SNX3: variants seen among roughly 807,000 people sequenced by gnomAD.
The protein encoded by SNX3 is sorting nexin 3.
In SNX3, 5 loss-of-function variants were observed where a neutral mutation model predicts 17.7. The observed-to-expected ratio is 0.28, with a 90% CI of 0.15 to 0.59. The LOEUF (loss-of-function observed/expected upper bound fraction) is 0.59. SNX3 is among the 20% of genes least tolerant of loss of function. The pLI is 0.88. For synonymous variants in SNX3, 91 were observed against 76.5 expected (o/e 1.19, Z -0.99); for missense variants, 132 against 206.8 (o/e 0.64, Z 2.22).
chr6:108,246,984 G>C (rs1775711570), intron 1 of SNX3, among the ~76,000 whole-genome samples: 1 of 152,290 alleles, frequency 6.6e-6, no homozygotes, highest in Admixed American at 6.5e-5. Flanking sequence ...TGGTTTGGCT[G>C]TATGTCCCTA....
intron 1 of SNX3, among the ~76,000 whole-genome samples, chr6:108,231,733 T>C (rs962236298): frequency 5.9e-5 from 9 of 152,344 alleles, no homozygotes; most frequent in Admixed American, 2.6e-4. Flanking sequence ...GCCTAGCTAA[T>C]TCGAACTTAC....
At chr6:108,243,975 C>A (rs1775606810) in intron 1 of SNX3, among the ~76,000 whole-genome samples, 1 of 152,092 alleles carries the variant, frequency 6.6e-6, no homozygotes, top group Non-Finnish European at 1.5e-5. Flanking sequence ...AAATTACATA[C>A]CCTGCAAATA....
chr6:108,238,169 G>C (rs1312812773), intron 1 of SNX3, among the ~76,000 whole-genome samples: 1 of 137,880 alleles, frequency 7.3e-6, no homozygotes, highest in African/African-American at 2.8e-5. Context: ...CCTCCAAAAA[G>C]AATCTACCAT....
rs1185405171 is a variant in SNX3, at chr6:108,260,870, G to A, written c.52C>T (p.Leu18=). 2 of 1,612,076 alleles carry A rather than the reference G, an allele frequency of 1.2e-6. No homozygotes were observed. Among genetic ancestry groups the A allele is most frequent in the African/African-American group, 2.7e-5 (2 of 74,594 alleles). Residue 18 remains leucine (L), a synonymous_variant, in exon 1 of 4, where the codon CTG becomes TTG. Coordinates refer to ENST00000230085, the MANE Select transcript of SNX3 (RefSeq NM_003795.6). ...TRRLITKPQN[L]NDAYGPPSNF... ...CTGGGGGGTCCGTAGGCGTCATTCA[G>A]GTTCTGCGGCTTGGTGATCAGCCGC...
At chr6:108,215,279 G>A (rs1202143317) in intron 2 of SNX3, among the ~76,000 whole-genome samples, 1 of 151,834 alleles carries the variant, frequency 6.6e-6, no homozygotes, top group African/African-American at 2.4e-5. Context: ...GAACCCGGGA[G>A]GCAGAGCTTG....
At chr6:108,228,489 T>C in intron 1 of SNX3, among the ~76,000 whole-genome samples, 1 of 151,388 alleles carries the variant, frequency 6.6e-6, no homozygotes, top group East Asian at 1.9e-4. Context: ...GAGACTGCAG[T>C]GAACCAAGAT....
chr6:108,222,147 G>T lies in SNX3; in HGVS notation c.258+803C>A, dbSNP rs1197678933. The T allele has an allele frequency of 1.1e-5, 13 of 1,177,688 alleles. 1 individual carries two copies. The Admixed American group carries it at 1.6e-4, about 15-fold the overall frequency. The allele number at this position is 1,177,688 out of a possible 1,614,324, so 73.0% of individuals were successfully genotyped here. A position where few individuals can be genotyped will look rare whatever the true frequency, so the allele number is the denominator to read the frequency against. ...CTTAGGCTAGAAACAGAAAAAAAAAGAAAACCCTTATTAAACTTGAGAAAT... is the reference window on the plus strand; with the variant it reads ...CTTAGGCTAGAAACAGAAAAAAAAATAAAACCCTTATTAAACTTGAGAAAT... On this transcript the variant is annotated intron_variant, in intron 2 of 3. Coordinates refer to ENST00000230085, the MANE Select transcript of SNX3 (RefSeq NM_003795.6).
At chr6:108,217,185 A>G in intron 2 of SNX3, among the ~76,000 whole-genome samples, 1 of 151,938 alleles carries the variant, frequency 6.6e-6, no homozygotes, top group East Asian at 1.9e-4. Context: ...TGTCAGTTAA[A>G]GAAAGAAGGA....
intron 2 of SNX3, among the ~76,000 whole-genome samples, chr6:108,215,760 A>C (rs975612158): frequency 2.0e-5 from 3 of 151,986 alleles, no homozygotes; most frequent in African/African-American, 7.2e-5. Context: ...GCCTGGGCAC[A>C]TGTCTACAAA....
At chr6:108,238,104 A>AT (rs1189429679) in intron 1 of SNX3, among the ~76,000 whole-genome samples, 42 of 148,090 alleles carry the variant, frequency 2.8e-4, no homozygotes, top group South Asian at 6.4e-4. Flanking sequence ...CCTGTCTCAA[A>AT]AAAAAAAAAA....
chr6:108,217,085 A>C (rs1470609292), intron 2 of SNX3, among the ~76,000 whole-genome samples: 1 of 152,208 alleles, frequency 6.6e-6, no homozygotes, highest in Non-Finnish European at 1.5e-5. Context: ...ATTTAAAAAA[A>C]GAATTCTGGA....
intron 1 of SNX3, among the ~76,000 whole-genome samples, chr6:108,241,885 A>G (rs1775533090): frequency 2.0e-5 from 3 of 152,242 alleles, no homozygotes; most frequent in African/African-American, 7.2e-5. Context: ...TCAGCTGTCC[A>G]GGATTTCCAA....
At chr6:108,217,922 T>C (rs2114708240) in intron 2 of SNX3, among the ~76,000 whole-genome samples, 1 of 152,332 alleles carries the variant, frequency 6.6e-6, no homozygotes, top group African/African-American at 2.4e-5. Flanking sequence ...AGCTAATTTC[T>C]AGCTTAGTTT....
chr6:108,229,977 C>T (rs1369788401), intron 1 of SNX3, among the ~76,000 whole-genome samples: 1 of 152,108 alleles, frequency 6.6e-6, no homozygotes, highest in Non-Finnish European at 1.5e-5. Context: ...AGATGAGCTG[C>T]ATGTAGCATT....
intron 2 of SNX3, among the ~76,000 whole-genome samples, chr6:108,220,244 T>C (rs1417106228): frequency 1.3e-5 from 2 of 151,866 alleles, no homozygotes; most frequent in African/African-American, 2.4e-5. Flanking sequence ...AGTAATGTCC[T>C]AGGTCTTCTC....
In SNX3 at chr6:108,222,263, T is replaced by C. The variant is rs751182366; in HGVS notation, c.258+687A>G. ...TAGTCACAAAATAACTTTTCATCAT[T>C]CTGAGCACACCACGTCCTTCCATGA... On this transcript the variant is annotated intron_variant, in intron 2 of 3. Coordinates refer to ENST00000230085, the MANE Select transcript of SNX3 (RefSeq NM_003795.6). The C allele has an allele frequency of 2.3e-6, 3 of 1,304,262 alleles. No homozygotes were observed. In the South Asian group the frequency reaches 3.7e-5, roughly 16 times the overall value. The allele number at this position is 1,304,262 out of a possible 1,614,324, so 80.8% of individuals were successfully genotyped here.
chr6:108,245,207 A>T (rs1291266928), intron 1 of SNX3, among the ~76,000 whole-genome samples: 1 of 151,846 alleles, frequency 6.6e-6, no homozygotes, highest in Non-Finnish European at 1.5e-5. Flanking sequence ...GAAAACATGC[A>T]GTGTTTGGTT....
intron 2 of SNX3, 134 bp downstream of exon 2, chr6:108,222,816 T>C: frequency 1.5e-6 from 1 of 674,328 alleles, no homozygotes; most frequent in Non-Finnish European, 2.6e-6. Flanking sequence ...CTCTATAAAA[T>C]GACACTGAAC....
At chr6:108,243,059 T>A (rs1406166045) in intron 1 of SNX3, among the ~76,000 whole-genome samples, 2 of 152,200 alleles carry the variant, frequency 1.3e-5, no homozygotes, top group Non-Finnish European at 2.9e-5. Context: ...TTTGGTGGTG[T>A]TTTTAAAATA....
Sources: gnomAD v4.1 joint callset for allele counts (sites outside exome capture counted in the v4.1 genomes callset) on GRCh38, gnomAD v4.1.1 for gene constraint, MANE v1.5 for transcripts, NCBI Gene and HGNC (gene_info 2026-07-23, HGNC 2026-07-21) for gene names.